CCDC102B: variants seen among roughly 807,000 people sequenced by gnomAD.
CCDC102B encodes coiled-coil domain-containing protein 102B.
Under a neutral mutation model 57.4 loss-of-function variants are expected in CCDC102B, and 75 were observed. The observed-to-expected ratio is 1.31, with a 90% CI of 1.08 to 1.58. The LOEUF is 1.58. CCDC102B is among the 40% of genes most tolerant of loss of function. The pLI is 0.00. For missense variants in CCDC102B, 636 were observed against 582.6 expected, an observed-to-expected ratio of 1.09 and a Z score of -0.94; for synonymous variants, 206 against 201.9, an observed-to-expected ratio of 1.02 and a Z score of -0.17.
chr18:68,825,901 A>G (rs2036887474), intron 1 of CCDC102B, among the ~76,000 whole-genome samples: 1 of 152,126 alleles, frequency 6.6e-6, no homozygotes, highest in Admixed American at 6.6e-5. Context: ...GAATCTGTAC[A>G]GTGTTCTCAT....
At chr18:69,042,382 C>A (rs938218539) in intron 7 of CCDC102B, among the ~76,000 whole-genome samples, 1 of 152,034 alleles carries the variant, frequency 6.6e-6, no homozygotes, top group Non-Finnish European at 1.5e-5. Flanking sequence ...AATGTGAAAT[C>A]ACAATTGGAG....
chr18:69,031,176 A>G (rs2145443515), intron 7 of CCDC102B, among the ~76,000 whole-genome samples: 1 of 152,294 alleles, frequency 6.6e-6, no homozygotes, highest in Non-Finnish European at 1.5e-5. Context: ...TAGAATTGGA[A>G]GGATATTTAT....
intron 2 of CCDC102B, among the ~76,000 whole-genome samples, chr18:68,740,068 A>T (rs964958957): frequency 2.0e-5 from 3 of 152,236 alleles, no homozygotes; most frequent in Non-Finnish European, 2.9e-5. Context: ...TACTATGGAC[A>T]TTCTGGGTCA....
At chr18:68,954,708 A>G (rs867110856) in intron 6 of CCDC102B, among the ~76,000 whole-genome samples, 1 of 152,328 alleles carries the variant, frequency 6.6e-6, no homozygotes, top group Middle Eastern at 3.4e-3. Context: ...ATGGACTTTT[A>G]GAATTATTTT....
intron 6 of CCDC102B, among the ~76,000 whole-genome samples, chr18:68,918,246 G>C (rs547473210): frequency 2.0e-5 from 3 of 152,260 alleles, no homozygotes; most frequent in African/African-American, 7.2e-5. Context: ...TTGAGAGTCA[G>C]CATTCATTTC....
At chr18:68,983,254 C>T in intron 6 of CCDC102B, among the ~76,000 whole-genome samples, 1 of 151,748 alleles carries the variant, frequency 6.6e-6, no homozygotes, top group South Asian at 2.1e-4. Context: ...TATATTTTCA[C>T]TCTCATAATC....
chr18:68,905,758 T>C (rs910965611), intron 6 of CCDC102B, among the ~76,000 whole-genome samples: 10 of 148,734 alleles, frequency 6.7e-5, no homozygotes, highest in Non-Finnish European at 1.2e-4. Flanking sequence ...AATGGAATCA[T>C]GTGATATATA....
chr18:68,942,886 G>A (rs1800910672), intron 6 of CCDC102B, among the ~76,000 whole-genome samples: 1 of 131,850 alleles, frequency 7.6e-6, no homozygotes, highest in African/African-American at 2.6e-5. Flanking sequence ...ACTATCACAT[G>A]GGGAGAAACC....
chr18:68,819,595 T>C (rs972951275), intron 1 of CCDC102B, among the ~76,000 whole-genome samples: 2 of 152,164 alleles, frequency 1.3e-5, no homozygotes, highest in African/African-American at 2.4e-5. Flanking sequence ...TATCAACTTA[T>C]CAATTTTAAC....
At chr18:68,816,121 A>C (rs1018097184) in intron 1 of CCDC102B, among the ~76,000 whole-genome samples, 1 of 152,214 alleles carries the variant, frequency 6.6e-6, no homozygotes, top group African/African-American at 2.4e-5. Flanking sequence ...GATTCTTGTG[A>C]TAATACCCTC....
At chr18:68,823,612 G>A (rs2036783901) in intron 1 of CCDC102B, among the ~76,000 whole-genome samples, 1 of 152,114 alleles carries the variant, frequency 6.6e-6, no homozygotes, top group Non-Finnish European at 1.5e-5. Context: ...CCTGTTTTAA[G>A]TTCTTTAACA....
chr18:68,950,163 T>G (rs115982961), intron 6 of CCDC102B, among the ~76,000 whole-genome samples: 23 of 152,278 alleles, frequency 1.5e-4, no homozygotes, highest in African/African-American at 5.5e-4. Context: ...CCTTGAAGAC[T>G]CTTGGTAATG....
intron 6 of CCDC102B, among the ~76,000 whole-genome samples, chr18:68,905,422 A>C (rs114074428): frequency 0.011 from 1,615 of 151,048 alleles, 35 homozygotes; most frequent in African/African-American, 0.036. Context: ...TGCAAGTTTG[A>C]GTTAAAATCA....
intron 2 of CCDC102B, among the ~76,000 whole-genome samples, chr18:68,762,105 G>A (rs759973527): frequency 6.6e-6 from 1 of 151,928 alleles, no homozygotes; most frequent in African/African-American, 2.4e-5. Context: ...TTTTTGTTAC[G>A]CACAGTCAAC....
At chr18:68,795,498 C>T (rs750176959), upstream of CCDC102B, among the ~76,000 whole-genome samples, 14 of 152,126 alleles carry the variant, frequency 9.2e-5, no homozygotes, top group Non-Finnish European at 1.5e-4. Context: ...GTCAGCAATA[C>T]TCTTTTGAAA....
intron 5 of CCDC102B, 70 bp from the exon 6 acceptor site, chr18:68,897,149 G>T: frequency 8.5e-7 from 1 of 1,178,298 alleles, no homozygotes; most frequent in Non-Finnish European, 1.2e-6. Context: ...TGGGAGTCTG[G>T]TTGTGGGTGG....
At chr18:69,022,191 GCCTATATATATATA>G in intron 7 of CCDC102B, among the ~76,000 whole-genome samples, 1 of 15,610 alleles carries the variant, frequency 6.4e-5, no homozygotes, top group East Asian at 1.9e-3. Flanking sequence ...TTATCCTTTA[GCCTATATATATATA>G]TATATATATA....
At chr18:68,862,299 G>A (rs1386903869) in intron 4 of CCDC102B, among the ~76,000 whole-genome samples, 2 of 152,006 alleles carry the variant, frequency 1.3e-5, no homozygotes, top group Non-Finnish European at 2.9e-5. Context: ...TGGCCTTTCA[G>A]TGACTCTGTG....
chr18:68,718,162 A>C (rs2032129713), intron 2 of CCDC102B: 1 of 152,202 alleles, frequency 6.6e-6, no homozygotes, highest in Non-Finnish European at 1.5e-5. Context: ...TTTGTTATAG[A>C]GCACCAACAG....
Sources: allele counts gnomAD v4.1 joint callset (sites outside exome capture counted in the v4.1 genomes callset), GRCh38; gene constraint gnomAD v4.1.1; transcripts MANE v1.5; gene names NCBI Gene and HGNC (gene_info 2026-07-23, HGNC 2026-07-21).